The following DNAH12 variants were observed in gnomAD, a reference collection of about 807,000 sequenced individuals.
DNAH12 encodes the protein dynein axonemal heavy chain 12, also known as axonemal beta dynein heavy chain 12.
A neutral mutation model predicts 371.5 loss-of-function variants in DNAH12; 285 were observed. That is an observed-to-expected ratio of 0.77 (90% CI 0.70 to 0.85). The LOEUF is 0.85. Among genes scored for constraint, DNAH12 ranks in the 40% least tolerant of loss-of-function variants. The pLI is 0.00. For missense variants in DNAH12, 3,611 were observed against 3,689.4 expected, an observed-to-expected ratio of 0.98 and a Z score of 0.55; for synonymous variants, 1,200 against 1,213.0, an observed-to-expected ratio of 0.99 and a Z score of 0.22.
At chr3:57,356,042 T>C (rs1176334894) in intron 59 of DNAH12, among the ~76,000 whole-genome samples, 1 of 152,192 alleles carries the variant, frequency 6.6e-6, no homozygotes, top group Non-Finnish European at 1.5e-5. Context: ...CCTGTAGGCA[T>C]GCAGCTAGTA....
At chr3:57,438,918 C>CA (rs57608649) in intron 29 of DNAH12, among the ~76,000 whole-genome samples, 24,132 of 95,254 alleles carry the variant, frequency 0.25, 3,326 homozygotes, top group African/African-American at 0.33. Context: ...CTGTCTCAGA[C>CA]AAAAAAAAAA....
In DNAH12 at chr3:57,423,045, G is replaced by A. The variant is rs138337035; in HGVS notation, c.5374-1339C>T. Among the ~76,000 whole-genome samples, 683 of 152,298 alleles carry A rather than the reference G, an allele frequency of 4.5e-3. 3 individuals are homozygous for A. The highest frequency in any genetic ancestry group is 0.015 in the African/African-American group (612 of 41,562). On this transcript the variant is annotated intron_variant, in intron 35 of 73. Transcript: ENST00000495027. ...TCTATATAGGGCACCGGCAATATTA[G>A]CTGCCTTCAGTGTGGCTGGGGGACT...
At chr3:57,339,915 G>GA (rs1178178808) in intron 60 of DNAH12, among the ~76,000 whole-genome samples, 1 of 151,938 alleles carries the variant, frequency 6.6e-6, no homozygotes, top group Non-Finnish European at 1.5e-5. Flanking sequence ...ACCAAAAACA[G>GA]AAAAAATTAG....
intron 60 of DNAH12, among the ~76,000 whole-genome samples, chr3:57,345,245 C>G (rs1011502963): frequency 3.3e-5 from 5 of 152,112 alleles, no homozygotes; most frequent in Admixed American, 1.3e-4. Context: ...TGGTAAATAT[C>G]AAACAATTCC....
At chr3:57,335,669 GTAT>G (rs1223413055) in intron 60 of DNAH12, among the ~76,000 whole-genome samples, 3 of 152,172 alleles carry the variant, frequency 2.0e-5, no homozygotes, top group Admixed American at 6.5e-5. Context: ...TAAAAATATG[GTAT>G]TATAATCTTA....
chr3:57,448,499 G>A (rs1044941518), intron 25 of DNAH12, among the ~76,000 whole-genome samples: 4 of 152,034 alleles, frequency 2.6e-5, no homozygotes, highest in African/African-American at 7.2e-5. Context: ...CAGGAGTGAA[G>A]CTGTAGGTCT....
At chr3:57,451,789 T>C (rs975447994) in intron 25 of DNAH12, among the ~76,000 whole-genome samples, 1 of 152,062 alleles carries the variant, frequency 6.6e-6, no homozygotes, top group Non-Finnish European at 1.5e-5. Context: ...CTCTCTAAAG[T>C]AATAATTGGT....
chr3:57,396,406 T>TTG (rs1553676693), intron 43 of DNAH12, among the ~76,000 whole-genome samples: 7 of 151,908 alleles, frequency 4.6e-5, no homozygotes, highest in Admixed American at 1.3e-4. Context: ...TGATTTTTTT[T>TTG]TTGTTTTTTG....
chr3:57,314,738 T>G, intron 65 of DNAH12, 107 bp from the exon 66 acceptor site: 1 of 1,178,408 alleles, frequency 8.5e-7, no homozygotes, highest in Non-Finnish European at 1.2e-6. Flanking sequence ...TGTGATCACG[T>G]ATCTCTACAA....
chr3:57,417,244 C>T (rs2064407555), intron 37 of DNAH12, among the ~76,000 whole-genome samples: 1 of 151,828 alleles, frequency 6.6e-6, no homozygotes, highest in African/African-American at 2.4e-5. Flanking sequence ...GAGTGAAACA[C>T]CTTCTAAAAA....
chr3:57,345,847 G>A lies in DNAH12; in HGVS notation c.9674+6238C>T, dbSNP rs2062529095. Among the ~76,000 whole-genome samples, 5 of 152,176 alleles carry A rather than the reference G, an allele frequency of 3.3e-5. No homozygotes were observed. The South Asian group carries it at 1.0e-3, about 32-fold the overall frequency. On this transcript the variant is annotated intron_variant, in intron 60 of 73. Transcript: ENST00000495027. The stretch of plus-strand genomic sequence containing the variant: ...ATCTACATATATTTTATGTATTTAT[G>A]ACATACCTAACCTTTTCTTAATTTT...
At chr3:57,508,610 A>T in intron 6 of DNAH12, 70 bp from the exon 7 acceptor site, 1 of 1,504,908 alleles carries the variant, frequency 6.6e-7, no homozygotes, top group East Asian at 2.4e-5. Context: ...AATAATGCTT[A>T]TAACATGAAA....
intron 65 of DNAH12, among the ~76,000 whole-genome samples, chr3:57,317,109 C>T (rs1575441124): frequency 2.0e-5 from 3 of 152,108 alleles, no homozygotes; most frequent in African/African-American, 7.2e-5. Flanking sequence ...TTGCCCCTTT[C>T]CTCCCTTCCT....
chr3:57,524,942 G>A (rs1368602591), intron 2 of DNAH12, among the ~76,000 whole-genome samples: 1 of 151,972 alleles, frequency 6.6e-6, no homozygotes, highest in Admixed American at 6.6e-5. Context: ...GGGAGTAATC[G>A]AGAGGTTTTG....
rs993019067 is a variant in DNAH12, at chr3:57,314,517, G to A, written c.10639C>T (p.Arg3547Cys). The change falls in exon 66 of 74, where the codon CGC (arginine) becomes TGC (cysteine). Residue 3547 changes from arginine (R) to cysteine (C), a missense_variant. By Grantham distance (180) the Arg-to-Cys change is radical. This residue lies in a region of DNAH12 where 2,266 missense variants were observed against 2,236.9 expected (regional missense o/e 1.01). Coordinates refer to ENST00000495027, the MANE Select transcript of DNAH12 (RefSeq NM_001366028.2). ...IPYGFNESDL[R>C]ISIRQLQLFI... ...ACCTGCAGTTGTCGGATACTGATGC[G>A]CAAGTCAGATTCATTAAATCCATAT... 3.9e-6 allele frequency: 6 copies of A among 1,550,890 alleles called. No homozygotes were observed. Among genetic ancestry groups the A allele is most frequent in the South Asian group, 2.4e-5 (2 of 83,830 alleles).
intron 62 of DNAH12, among the ~76,000 whole-genome samples, chr3:57,325,315 G>T (rs2153298783): frequency 6.6e-6 from 1 of 152,328 alleles, no homozygotes; most frequent in South Asian, 2.1e-4. Flanking sequence ...TAACTGGGAG[G>T]CACCCCCAAG....
At chr3:57,518,776 G>A (rs2068300198) in intron 4 of DNAH12, among the ~76,000 whole-genome samples, 1 of 152,176 alleles carries the variant, frequency 6.6e-6, no homozygotes, top group South Asian at 2.1e-4. Context: ...TAGAAAATGT[G>A]CAAGAGGAGT....
intron 30 of DNAH12, among the ~76,000 whole-genome samples, chr3:57,436,270 T>A (rs569514591): frequency 6.6e-6 from 1 of 152,300 alleles, no homozygotes; most frequent in South Asian, 2.1e-4. Context: ...ATAGCCACTT[T>A]AATGACACCC....
At chr3:57,445,668 G>T (rs2153370418) in intron 27 of DNAH12, among the ~76,000 whole-genome samples, 1 of 149,116 alleles carries the variant, frequency 6.7e-6, no homozygotes, top group South Asian at 2.2e-4. Context: ...GGATTATGCT[G>T]GGTTTTTTTA....
Sources: allele counts gnomAD v4.1 joint callset (sites outside exome capture counted in the v4.1 genomes callset), GRCh38; gene constraint gnomAD v4.1.1; regional missense constraint gnomAD v4.1.1; transcripts MANE v1.5; gene names NCBI Gene and HGNC (gene_info 2026-07-23, HGNC 2026-07-21).